The following SEZ6 variants were observed in gnomAD, a reference collection of about 807,000 sequenced individuals.
SEZ6 encodes the protein seizure related 6 homolog.
SEZ6 carries 53 observed loss-of-function variants against 101.0 expected under a neutral mutation model. The ratio of observed to expected loss-of-function variants is 0.52; its 90% CI spans 0.42 to 0.66. SEZ6 has a LOEUF of 0.66. Among genes scored for constraint, SEZ6 ranks in the 30% least tolerant of loss-of-function variants. The pLI, the probability that SEZ6 is intolerant of heterozygous loss-of-function variation, is 0.00. For missense variants in SEZ6, 1,102 were observed against 1,289.4 expected, an observed-to-expected ratio of 0.85 and a Z score of 2.23; for synonymous variants, 488 against 512.2, an observed-to-expected ratio of 0.95 and a Z score of 0.64.
intron 4 of SEZ6, 47 bp from the exon 5 acceptor site, chr17:28,964,194 G>A (rs1404584966): frequency 5.4e-6 from 8 of 1,485,480 alleles, no homozygotes; most frequent in East Asian, 2.5e-5. Context: ...CAGGGTGGGG[G>A]CGGGAGCTGG....
rs758016821 is a variant in SEZ6 at position 28,979,646 on chromosome 17, C to G, written c.858+34G>C. ...TCTGAAGAAAGAGAATACACCCGCC[C>G]CAGCTTTGCCCTTGCCAGATCCAGA... On this transcript the variant is annotated intron_variant, in intron 3 of 16. Coordinates refer to ENST00000317338, the MANE Select transcript of SEZ6 (RefSeq NM_178860.5). 3 of 1,613,622 alleles carry G rather than the reference C, an allele frequency of 1.9e-6. No individual in the cohort carries two copies. The East Asian group carries it at 6.7e-5, about 36-fold the overall frequency.
At chr17:29,003,707 C>T (rs1392684712) in intron 1 of SEZ6, among the ~76,000 whole-genome samples, 3 of 152,228 alleles carry the variant, frequency 2.0e-5, no homozygotes, top group Non-Finnish European at 4.4e-5. Context: ...GAGAGAGGAG[C>T]CTCTGGCTAC....
At chr17:28,997,922 G>A (rs34479345) in intron 1 of SEZ6, among the ~76,000 whole-genome samples, 17,893 of 151,964 alleles carry the variant, frequency 0.12, 1,213 homozygotes, top group South Asian at 0.25. Flanking sequence ...TCCTCCTTGA[G>A]CACAACTTGG....
At chr17:28,982,119 C>T in intron 1 of SEZ6, 80 bp from the exon 2 acceptor site, 1 of 1,467,006 alleles carries the variant, frequency 6.8e-7, no homozygotes, top group Non-Finnish European at 9.0e-7. Context: ...AGTGGGGGGG[C>T]CCGCTCTCTT....
chr17:28,971,550 G>T, intron 3 of SEZ6, among the ~76,000 whole-genome samples: 1 of 151,860 alleles, frequency 6.6e-6, no homozygotes, highest in Admixed American at 6.6e-5. Context: ...CCGAGATCGC[G>T]CCATTGCACT....
chr17:28,998,521 C>T (rs1016508248), intron 1 of SEZ6, among the ~76,000 whole-genome samples: 1 of 152,092 alleles, frequency 6.6e-6, no homozygotes, highest in South Asian at 2.1e-4. Context: ...GGGTCTCCCC[C>T]TTCTTTCCCC....
Position 28,959,601 on chromosome 17 carries a change from C to T in SEZ6, c.1771+97G>A, listed in dbSNP as rs1168110626. On this transcript the variant is annotated intron_variant, in intron 8 of 16. Coordinates refer to ENST00000317338, the MANE Select transcript of SEZ6 (RefSeq NM_178860.5). The surrounding 1 kb of genome is among the most constrained non-coding windows in gnomAD (Gnocchi z 4.4). ...CTCCTTGGAGGAAGCCTGAACCACG[C>T]ATATCACAGGGCCCCTGTGGCCCCG... is the stretch of plus-strand genomic sequence containing the variant. The T allele has an allele frequency of 1.3e-6, 2 of 1,538,222 alleles. No homozygotes were observed. Among genetic ancestry groups the T allele is most frequent in the Non-Finnish European group, 1.7e-6 (2 of 1,143,590 alleles).
rs372566991 is a variant in SEZ6, at chr17:28,959,355, C to T, written c.1889G>A (p.Arg630His). The change falls in exon 9 of 17, where the codon CGC becomes CAC. Residue 630 changes from arginine to histidine, a missense_variant. Physicochemically the swap from Arg to His is conservative, Grantham distance 29 (BLOSUM62 0). Around this residue, in one of 3 missense-constraint regions of SEZ6, gnomAD observed 556 missense variants for 735.1 expected, o/e 0.76. Transcript: ENST00000317338. This position sits in a 1 kb window ranked among gnomAD's most constrained non-coding sequence, Gnocchi z 4.4. ...IWGVHVEEDKRIMLDIRVLRI... is the reference protein window; with the variant it reads ...IWGVHVEEDKHIMLDIRVLRI... ...TCACACTCGGATGTCCAGCATGATG[C>T]GCTTGTCCTCTTCCACATGCACACC... 6.8e-5 allele frequency: 110 copies of T among 1,613,834 alleles called. 1 individual carries two copies. The highest frequency in any genetic ancestry group is 1.0e-4 in the Admixed American group (6 of 60,008).
At position 28,956,433 on chromosome 17, in the gene SEZ6, A is replaced by G. The variant is rs1234200001; in HGVS notation, c.2766T>C (p.Asp922=). The part of the protein sequence containing the change: ...AKAPAASSTL[D]AAHIAAAIFL... The stretch of plus-strand genomic sequence containing the variant: ...AGATGGCAGCTGCAATGTGGGCAGC[A>G]TCCAGGGTGCTGGAGGCAGCAGGTG... Residue 922 remains aspartate, a synonymous_variant, in exon 15 of 17, where the codon GAT becomes GAC. Transcript: ENST00000317338. 1 of 1,562,396 alleles carries G rather than the reference A, an allele frequency of 6.4e-7. No individual in the cohort carries two copies. Among genetic ancestry groups the G allele is most frequent in the Non-Finnish European group, 8.7e-7 (1 of 1,153,472 alleles).
At chr17:28,988,536 A>G (rs1343387494) in intron 1 of SEZ6, among the ~76,000 whole-genome samples, 1 of 152,222 alleles carries the variant, frequency 6.6e-6, no homozygotes, top group Non-Finnish European at 1.5e-5. Context: ...GCCCTTGGCC[A>G]TGCCCCATCA....
At chr17:28,971,603 A>C (rs1042330028) in intron 3 of SEZ6, among the ~76,000 whole-genome samples, 6 of 152,160 alleles carry the variant, frequency 3.9e-5, no homozygotes, top group African/African-American at 1.4e-4. Context: ...CAAAACAAAA[A>C]AAAAAAGGAA....
chr17:28,976,907 A>G (rs866753476), intron 3 of SEZ6, among the ~76,000 whole-genome samples: 1 of 152,072 alleles, frequency 6.6e-6, no homozygotes, highest in African/African-American at 2.4e-5. Context: ...AGGCTGGTGG[A>G]GTGTGCCCGT....
chr17:28,960,363 G>A, intron 7 of SEZ6, 142 bp downstream of exon 7: 1 of 1,100,588 alleles, frequency 9.1e-7, no homozygotes. Context: ...GGGAAAGGGG[G>A]CCTAAGTACT....
Position 28,956,402 on chromosome 17 carries a change from G to T in SEZ6, c.2797C>A (p.Pro933Thr). Residue 933 changes from proline (P) to threonine (T), a missense_variant, in exon 15 of 17, where the codon CCA becomes ACA. Pro to Thr is a conservative substitution (Grantham distance 38). Transcript: ENST00000317338. ...AAHIAAAIFL[P>T]LVAMVLLVGG... ...ACCAACAACACCATCGCCACCAGTG[G>T]CAAGAAGATGGCAGCTGCAATGTGG... The T allele has an allele frequency of 1.3e-6, 2 of 1,571,002 alleles. No homozygotes were observed. Among genetic ancestry groups the T allele is most frequent in the Non-Finnish European group, 1.7e-6 (2 of 1,158,050 alleles).
At chr17:28,982,954 C>T (rs1335685929) in intron 1 of SEZ6, among the ~76,000 whole-genome samples, 3 of 151,422 alleles carry the variant, frequency 2.0e-5, no homozygotes, top group Admixed American at 1.3e-4. Context: ...GCATGAGCCA[C>T]CGCACCCGAC....
chr17:28,995,466 C>G (rs1459094700), intron 1 of SEZ6, among the ~76,000 whole-genome samples: 1 of 149,800 alleles, frequency 6.7e-6, no homozygotes, highest in African/African-American at 2.5e-5. Flanking sequence ...GCTGCCCCAT[C>G]ATCTACACCA....
In SEZ6 at chr17:28,960,479, C is replaced by G. The variant is rs534517460; in HGVS notation, c.1576+26G>C. The G allele has an allele frequency of 5.1e-6, 8 of 1,577,232 alleles. No individual in the cohort carries two copies. The Middle Eastern group carries it at 6.9e-4, about 135-fold the overall frequency. ...GAGCCCATCCCCGTGGACCCGCCAC[C>G]CCCAGTGAGGCCCCAGCAGGCTCAC... On this transcript the variant is annotated intron_variant, in intron 7 of 16. Transcript: ENST00000317338.
chr17:28,989,345 T>A (rs2041426298), intron 1 of SEZ6, among the ~76,000 whole-genome samples: 1 of 152,160 alleles, frequency 6.6e-6, no homozygotes. Context: ...TTAATCCCTA[T>A]AATAACTTTA....
At chr17:28,975,952 C>T (rs775425598) in intron 3 of SEZ6, among the ~76,000 whole-genome samples, 49 of 152,360 alleles carry the variant, frequency 3.2e-4, no homozygotes, top group Non-Finnish European at 6.2e-4. Context: ...AGGCCTGGAG[C>T]CCTCAGGGGG....
Sources: allele counts gnomAD v4.1 joint callset (sites outside exome capture counted in the v4.1 genomes callset), GRCh38; gene constraint gnomAD v4.1.1; regional missense constraint gnomAD v4.1.1; non-coding constraint Gnocchi (gnomAD v3.1); transcripts MANE v1.5; gene names NCBI Gene and HGNC (gene_info 2026-07-23, HGNC 2026-07-21).